ZNF827: variants seen among roughly 807,000 people sequenced by gnomAD.
The protein encoded by ZNF827 is zinc finger protein 827.
A neutral mutation model predicts 102.4 loss-of-function variants in ZNF827; 13 were observed. That is an observed-to-expected ratio of 0.13 (90% CI 0.08 to 0.20). ZNF827 has a LOEUF of 0.20. Among genes scored for constraint, ZNF827 ranks in the 10% least tolerant of loss-of-function variants. ZNF827 has a pLI of 1.00. For missense variants in ZNF827, 1,103 were observed against 1,344.4 expected (o/e 0.82, Z 2.81); for synonymous variants, 523 against 536.2 (o/e 0.98, Z 0.34).
At chr4:145,886,545 T>C (rs946744850) in intron 3 of ZNF827, among the ~76,000 whole-genome samples, 4 of 152,168 alleles carry the variant, frequency 2.6e-5, no homozygotes, top group African/African-American at 9.7e-5. Context: ...GTAATTCCTC[T>C]CACAATAATG....
At chr4:145,850,746 G>A (rs1361646914) in intron 5 of ZNF827, among the ~76,000 whole-genome samples, 1 of 152,102 alleles carries the variant, frequency 6.6e-6, no homozygotes, top group Non-Finnish European at 1.5e-5. Flanking sequence ...TCAGCACACT[G>A]GGAAACAAAA....
intron 4 of ZNF827, among the ~76,000 whole-genome samples, chr4:145,871,946 C>T (rs552944850): frequency 4.6e-5 from 7 of 152,258 alleles, no homozygotes; most frequent in East Asian, 1.9e-4. Flanking sequence ...CTGCCTCCAC[C>T]GCACCACCTC....
At chr4:145,775,441 A>G (rs1339610421) in intron 10 of ZNF827, among the ~76,000 whole-genome samples, 3 of 151,416 alleles carry the variant, frequency 2.0e-5, no homozygotes, top group Non-Finnish European at 4.4e-5. Context: ...TTTTTTTTTA[A>G]ACAATTCTTA....
Position 145,904,684 on chromosome 4 carries a change from G to T in ZNF827, c.44-1469C>A, listed in dbSNP as rs533808261. On this transcript the variant is annotated intron_variant, in intron 1 of 14. Transcript: ENST00000508784. ...GTCAGAGAATATCATGAGTCAGTGT[G>T]TGTTGGCATGTGTATGAGAGTGTGT... Among the ~76,000 whole-genome samples the T allele has an allele frequency of 5.3e-5, 8 of 152,330 alleles. No individual in the cohort carries two copies. The South Asian group carries it at 1.5e-3, about 28-fold the overall frequency.
chr4:145,778,215 C>T (rs1054318995), intron 9 of ZNF827, among the ~76,000 whole-genome samples: 3 of 152,170 alleles, frequency 2.0e-5, no homozygotes, highest in African/African-American at 7.2e-5. Context: ...CTCACTGCAA[C>T]TTCCACCTCC....
At chr4:145,849,159 A>G (rs939070397) in intron 6 of ZNF827, among the ~76,000 whole-genome samples, 163 bp downstream of exon 6, 1 of 152,210 alleles carries the variant, frequency 6.6e-6, no homozygotes, top group African/African-American at 2.4e-5. Flanking sequence ...GCAACACTTT[A>G]TTAACTGTTA....
At chr4:145,818,027 T>C (rs1742764360) in intron 8 of ZNF827, among the ~76,000 whole-genome samples, 1 of 152,180 alleles carries the variant, frequency 6.6e-6, no homozygotes, top group Non-Finnish European at 1.5e-5. Context: ...AAGATAGAAA[T>C]AGAAGAGAAT....
intron 2 of ZNF827, among the ~76,000 whole-genome samples, chr4:145,896,314 T>C (rs1002020065): frequency 2.0e-5 from 3 of 152,138 alleles, no homozygotes; most frequent in Admixed American, 6.5e-5. Flanking sequence ...GGAGCCAATA[T>C]GAAACAAATA....
chr4:145,870,671 T>G (rs548789296), intron 4 of ZNF827, 193 bp from the exon 5 acceptor site: 1 of 527,400 alleles, frequency 1.9e-6, no homozygotes, highest in East Asian at 2.9e-5. Context: ...CTCTGAGGAG[T>G]GTGGGCTTCT....
chr4:145,817,086 CA>C (rs1325067735), intron 8 of ZNF827, among the ~76,000 whole-genome samples: 4 of 152,148 alleles, frequency 2.6e-5, no homozygotes, highest in Non-Finnish European at 5.9e-5. Flanking sequence ...TGAATTTTCA[CA>C]AAATTACCTA....
At chr4:145,792,191 C>T (rs2127061466) in intron 8 of ZNF827, among the ~76,000 whole-genome samples, 1 of 152,214 alleles carries the variant, frequency 6.6e-6, no homozygotes, top group Middle Eastern at 3.4e-3. Context: ...TTCATGGCCT[C>T]AGATCAAAAT....
chr4:145,817,880 G>T (rs1382221630), intron 8 of ZNF827, among the ~76,000 whole-genome samples: 1 of 152,032 alleles, frequency 6.6e-6, no homozygotes, highest in Non-Finnish European at 1.5e-5. Flanking sequence ...TTATCTAACT[G>T]AGAGTTTTAA....
chr4:145,833,559 C>T (rs1437083160), intron 7 of ZNF827, among the ~76,000 whole-genome samples: 1 of 151,208 alleles, frequency 6.6e-6, no homozygotes, highest in African/African-American at 2.4e-5. Context: ...GGGCAAGTAC[C>T]ACTCAACCCC....
chr4:145,794,386 C>T (rs570500329), intron 8 of ZNF827, among the ~76,000 whole-genome samples: 3 of 152,098 alleles, frequency 2.0e-5, no homozygotes, highest in Non-Finnish European at 4.4e-5. Flanking sequence ...GGTAAAACAT[C>T]TAGAGATATT....
At position 145,807,479 on chromosome 4, in the gene ZNF827, CT is replaced by C. The variant is rs1553988638; in HGVS notation, c.2383+15942del. On this transcript the variant is annotated intron_variant, in intron 8 of 14. Transcript: ENST00000508784. ...CATTTTTCTTTTTCATGTCCCAGTG[CT>C]TTTTTTTTTTGAGACATAGTCTCGC... Among the ~76,000 whole-genome samples, 404 of 147,448 alleles carry C rather than the reference CT, an allele frequency of 2.7e-3. 2 individuals are homozygous for C. The highest frequency in any genetic ancestry group is 8.1e-3 in the African/African-American group (327 of 40,542).
intron 8 of ZNF827, among the ~76,000 whole-genome samples, chr4:145,796,792 G>C (rs1290936328): frequency 2.0e-5 from 3 of 151,988 alleles, no homozygotes; most frequent in African/African-American, 7.2e-5. Context: ...ACCACGCCTG[G>C]CTAATTTTTT....
rs993474424 is a variant in ZNF827, at chr4:145,938,695, G to C, written c.-288C>G. 4.3e-6 allele frequency: 2 copies of C among 461,504 alleles called. No homozygotes were observed. The highest frequency in any genetic ancestry group is 7.8e-6 in the Non-Finnish European group (2 of 254,886). The allele number at this position is 461,504 out of a possible 1,614,324, so 28.6% of individuals were successfully genotyped here. ...GAGCGTAATATTCTTCAATGGAAAC[G>C]GATCTAATAGGTGTGAGTGTGTGTG... On this transcript the variant is annotated 5_prime_UTR_variant, in exon 1 of 15. Transcript: ENST00000508784.
Position 145,902,600 on chromosome 4 carries a change from T to C in ZNF827, c.659A>G (p.Asn220Ser), listed in dbSNP as rs776878246. The change falls in exon 2 of 15, where the codon AAT (asparagine) becomes AGT (serine). Residue 220 changes from asparagine (N) to serine (S), a missense_variant. Physicochemically the swap from Asn to Ser is conservative, Grantham distance 46. Coordinates refer to ENST00000508784, the MANE Select transcript of ZNF827 (RefSeq NM_001306215.2). This position sits in a 1 kb window ranked among gnomAD's most constrained non-coding sequence, Gnocchi z 4.3. ...GAGAGATTTGTCCTGCAGAACGGCA[T>C]TGGCTGCAGCTTTCAGTTTTAGGAT... The part of the protein sequence containing the change: ...SAILKLKAAA[N>S]AVLQDKSLTR... 8 of 1,613,872 alleles carry C rather than the reference T, an allele frequency of 5.0e-6. No homozygotes were observed. Among genetic ancestry groups the C allele is most frequent in the East Asian group, 4.5e-5 (2 of 44,874 alleles).
intron 4 of ZNF827, chr4:145,876,386 A>G (rs10024759): frequency 0.45 from 69,091 of 151,940 alleles, 15,783 homozygotes; most frequent in Admixed American, 0.51. Context: ...ATTGCCAGCT[A>G]TCCCCTGGGC....
Sources: gnomAD v4.1 joint callset for allele counts (sites outside exome capture counted in the v4.1 genomes callset) on GRCh38, gnomAD v4.1.1 for gene constraint, Gnocchi (gnomAD v3.1) non-coding constraint, MANE v1.5 for transcripts, NCBI Gene and HGNC (gene_info 2026-07-23, HGNC 2026-07-21) for gene names.